The following NKAIN2 variants were observed in gnomAD, a reference collection of about 807,000 sequenced individuals.
The protein encoded by NKAIN2 is sodium/potassium-transporting ATPase subunit beta-1-interacting protein 2.
A neutral mutation model predicts 32.6 loss-of-function variants in NKAIN2; 14 were observed. The observed-to-expected ratio is 0.43, with a 90% CI of 0.28 to 0.67. NKAIN2 has a LOEUF of 0.67. Among genes scored for constraint, NKAIN2 ranks in the 30% least tolerant of loss-of-function variants. The pLI, the probability that NKAIN2 is intolerant of heterozygous loss-of-function variation, is 0.17. For synonymous variants in NKAIN2, 80 were observed against 87.2 expected (o/e 0.92, Z 0.46); for missense variants, 198 against 258.3 (o/e 0.77, Z 1.60).
chr6:124,074,505 C>T (rs1183928230), intron 1 of NKAIN2, among the ~76,000 whole-genome samples: 2 of 152,148 alleles, frequency 1.3e-5, no homozygotes, highest in Non-Finnish European at 2.9e-5. Flanking sequence ...TGTATATCTG[C>T]ACCTTTGCAC....
At chr6:124,277,115 A>G (rs1795070395) in intron 1 of NKAIN2, among the ~76,000 whole-genome samples, 1 of 152,184 alleles carries the variant, frequency 6.6e-6, no homozygotes, top group Non-Finnish European at 1.5e-5. Context: ...AGGACGTAGT[A>G]TTCAAACTTT....
chr6:124,060,857 G>A (rs961285588), intron 1 of NKAIN2, among the ~76,000 whole-genome samples: 1 of 151,882 alleles, frequency 6.6e-6, no homozygotes, highest in Non-Finnish European at 1.5e-5. Flanking sequence ...AAATGCTTTG[G>A]CATAAAAATA....
intron 1 of NKAIN2, among the ~76,000 whole-genome samples, chr6:123,897,747 T>A (rs543600188): frequency 2.0e-4 from 31 of 152,144 alleles, no homozygotes; most frequent in Admixed American, 5.2e-4. Context: ...TAAATACCTG[T>A]TGATTCTTGA....
intron 1 of NKAIN2, among the ~76,000 whole-genome samples, chr6:123,983,696 AT>A (rs1779004199): frequency 6.6e-6 from 1 of 151,966 alleles, no homozygotes; most frequent in Admixed American, 6.6e-5. Context: ...TGCAACTTAA[AT>A]ATTATTTGAT....
At chr6:124,510,658 A>G (rs1778676380) in intron 3 of NKAIN2, among the ~76,000 whole-genome samples, 2 of 152,200 alleles carry the variant, frequency 1.3e-5, no homozygotes, top group Admixed American at 1.3e-4. Context: ...TGGACATTTG[A>G]GTCCTCAATC....
chr6:124,307,514 C>T (rs995143179), intron 2 of NKAIN2, among the ~76,000 whole-genome samples: 3 of 151,828 alleles, frequency 2.0e-5, no homozygotes, highest in East Asian at 1.9e-4. Context: ...TTTATATTTA[C>T]GAGAGAAGAA....
chr6:124,285,557 T>G (rs1329350152), intron 2 of NKAIN2, among the ~76,000 whole-genome samples: 3 of 152,160 alleles, frequency 2.0e-5, no homozygotes, highest in Admixed American at 6.5e-5. Flanking sequence ...CCTGGTGTCA[T>G]TTGCCTCCTT....
chr6:124,392,921 C>G (rs1773207373), intron 3 of NKAIN2, among the ~76,000 whole-genome samples: 1 of 152,104 alleles, frequency 6.6e-6, no homozygotes. Context: ...ACTTGGCACC[C>G]TTGAGCCCAG....
intron 3 of NKAIN2, among the ~76,000 whole-genome samples, chr6:124,484,597 C>T (rs1358517364): frequency 1.3e-5 from 2 of 152,054 alleles, no homozygotes; most frequent in African/African-American, 4.8e-5. Context: ...TGGTTTTAAA[C>T]TTGAATTTTC....
chr6:124,491,712 G>T (rs1434864292), intron 3 of NKAIN2, among the ~76,000 whole-genome samples: 1 of 151,778 alleles, frequency 6.6e-6, no homozygotes, highest in African/African-American at 2.4e-5. Context: ...TCTAAAATTT[G>T]CAAATTGCTA....
intron 1 of NKAIN2, among the ~76,000 whole-genome samples, chr6:123,943,153 T>C (rs1289398453): frequency 6.6e-6 from 1 of 152,086 alleles, no homozygotes; most frequent in African/African-American, 2.4e-5. Context: ...TAAACTATTA[T>C]AATAGTTAAC....
At chr6:124,428,138 G>T (rs184920712) in intron 3 of NKAIN2, among the ~76,000 whole-genome samples, 14 of 152,018 alleles carry the variant, frequency 9.2e-5, no homozygotes, top group Admixed American at 7.2e-4. Context: ...GTTTTCAATT[G>T]CTAGTCACTA....
chr6:124,326,579 C>T (rs1797423613), intron 2 of NKAIN2, among the ~76,000 whole-genome samples: 1 of 152,126 alleles, frequency 6.6e-6, no homozygotes, highest in Non-Finnish European at 1.5e-5. Context: ...GATCTGCTCT[C>T]TGGATGCATT....
intron 1 of NKAIN2, among the ~76,000 whole-genome samples, chr6:124,240,314 G>T (rs532553611): frequency 6.6e-6 from 1 of 152,190 alleles, no homozygotes; most frequent in Admixed American, 6.6e-5. Context: ...TCTACCAGAG[G>T]TACAAAGAGA....
intron 1 of NKAIN2, among the ~76,000 whole-genome samples, chr6:124,202,632 T>G (rs573204825): frequency 1.3e-5 from 2 of 152,020 alleles, no homozygotes; most frequent in Non-Finnish European, 2.9e-5. Context: ...ATTAAAAAAG[T>G]CATTTAACAC....
At position 124,311,664 on chromosome 6, in the gene NKAIN2, C is replaced by T. The variant is rs115998960; in HGVS notation, c.192+28522C>T. On this transcript the variant is annotated intron_variant, in intron 2 of 6. Coordinates refer to ENST00000368417, the MANE Select transcript of NKAIN2 (RefSeq NM_001040214.3). ...GATGGAGTTAATAACGTGAGAGGCACGTTTGCTTATTGAATTTGCATTCAC... is the reference window on the plus strand; with the variant it reads ...GATGGAGTTAATAACGTGAGAGGCATGTTTGCTTATTGAATTTGCATTCAC... Among the ~76,000 whole-genome samples the T allele has an allele frequency of 3.7e-3, 565 of 152,160 alleles. 5 individuals are homozygous for T. The highest frequency in any genetic ancestry group is 0.013 in the African/African-American group (522 of 41,530).
chr6:124,074,155 T>C (rs80204945), intron 1 of NKAIN2, among the ~76,000 whole-genome samples: 4,982 of 152,186 alleles, frequency 0.033, 120 homozygotes, highest in East Asian at 0.15. Context: ...GCCTAATTCC[T>C]CAAGATTGTG....
At chr6:124,522,213 A>T (rs1417568220) in intron 3 of NKAIN2, among the ~76,000 whole-genome samples, 1 of 152,108 alleles carries the variant, frequency 6.6e-6, no homozygotes. Flanking sequence ...GTAAAGTTAT[A>T]TTCTATTCTC....
At chr6:123,999,407 A>G (rs1404226849) in intron 1 of NKAIN2, among the ~76,000 whole-genome samples, 1 of 152,198 alleles carries the variant, frequency 6.6e-6, no homozygotes, top group African/African-American at 2.4e-5. Flanking sequence ...GGAAATCCAC[A>G]GAGCTTTCAC....
Sources: gnomAD v4.1 joint callset for allele counts (sites outside exome capture counted in the v4.1 genomes callset) on GRCh38, gnomAD v4.1.1 for gene constraint, MANE v1.5 for transcripts, NCBI Gene and HGNC (gene_info 2026-07-23, HGNC 2026-07-21) for gene names.